Variants in GALNT13 observed in about 807,000 individuals in gnomAD.
GALNT13 encodes UDP-GalNAc:polypeptide N-acetylgalactosaminyltransferase 13.
GALNT13 carries 28 observed loss-of-function variants against 64.2 expected under a neutral mutation model. The observed-to-expected ratio is 0.44, with a 90% CI of 0.32 to 0.60. The LOEUF is 0.60. Among genes scored for constraint, GALNT13 ranks in the 20% least tolerant of loss-of-function variants. GALNT13 has a pLI of 0.05. For missense variants in GALNT13, 577 were observed against 669.8 expected (o/e 0.86, Z 1.53); for synonymous variants, 214 against 224.6 (o/e 0.95, Z 0.42).
the GALNT13 span, among the ~76,000 whole-genome samples, chr2:153,494,274 A>G: frequency 6.6e-6 from 1 of 152,076 alleles, no homozygotes. Context: ...AGACTTTAAA[A>G]AAGTATAAAT....
chr2:154,133,525 C>T (rs1682748189), intron 3 of GALNT13, among the ~76,000 whole-genome samples: 1 of 116,320 alleles, frequency 8.6e-6, no homozygotes. Flanking sequence ...AGTAACATAA[C>T]AGACCATTTT....
At chr2:153,441,515 T>TTG in the GALNT13 span, among the ~76,000 whole-genome samples, 1 of 152,238 alleles carries the variant, frequency 6.6e-6, no homozygotes, top group Non-Finnish European at 1.5e-5. Flanking sequence ...GGGGATAGCA[T>TTG]TGAATCCATA....
chr2:154,438,633 C>T lies in GALNT13; in HGVS notation c.1437C>T (p.Asp479=), dbSNP rs777977750. The T allele has an allele frequency of 6.2e-7, 1 of 1,612,550 alleles. No individual in the cohort carries two copies. Among genetic ancestry groups the T allele is most frequent in the Non-Finnish European group, 8.5e-7 (1 of 1,178,814 alleles). The change falls in exon 12 of 13, where the codon GAC becomes GAT. Residue 479 remains aspartate (D), a synonymous_variant. Transcript: ENST00000392825. ...YTADKEIRTD[D]LCLDVSRLNG... ...CTGACAAAGAAATCCGAACCGATGA[C>T]TTGTGCTTGGATGTTTCTAGACTCA...
intron 4 of GALNT13, among the ~76,000 whole-genome samples, chr2:154,210,894 G>A (rs758609832): frequency 2.0e-5 from 3 of 152,072 alleles, no homozygotes; most frequent in African/African-American, 4.8e-5. Context: ...GGAGGTGGAC[G>A]CAATGTTAGA....
intron 8 of GALNT13, among the ~76,000 whole-genome samples, chr2:154,271,207 A>G (rs1691336443): frequency 6.6e-6 from 1 of 151,942 alleles, no homozygotes; most frequent in South Asian, 2.1e-4. Context: ...CTTGGTAAAG[A>G]GATTAAAATG....
chr2:153,232,088 G>A, the GALNT13 span, among the ~76,000 whole-genome samples: 8 of 152,276 alleles, frequency 5.3e-5, no homozygotes, highest in Admixed American at 5.2e-4. Context: ...TTCAAGTTGA[G>A]CACCTGTTTT....
chr2:154,369,762 C>T (rs996278886), intron 9 of GALNT13, among the ~76,000 whole-genome samples: 5 of 152,138 alleles, frequency 3.3e-5, no homozygotes, highest in African/African-American at 1.2e-4. Context: ...GAAATTAATT[C>T]CTCAAAGTGC....
At chr2:153,611,679 CTTTTTT>C in the GALNT13 span, among the ~76,000 whole-genome samples, 4,155 of 104,320 alleles carry the variant, frequency 0.04, 72 homozygotes, top group Middle Eastern at 0.064. Context: ...ACATTTTTAC[CTTTTTT>C]TTTTTTTTTT....
intron 3 of GALNT13, among the ~76,000 whole-genome samples, chr2:154,043,128 GA>G (rs2105330353): frequency 1.3e-5 from 2 of 152,062 alleles, no homozygotes; most frequent in South Asian, 4.1e-4. Context: ...AGTCTTTGAA[GA>G]AAGTGAAAGA....
chr2:153,793,071 A>G, the GALNT13 span, among the ~76,000 whole-genome samples: 6 of 148,978 alleles, frequency 4.0e-5, no homozygotes, highest in Non-Finnish European at 8.9e-5. Context: ...TCCTGGGTTC[A>G]AGTGATTGTC....
At chr2:153,756,412 A>G in the GALNT13 span, among the ~76,000 whole-genome samples, 1 of 152,236 alleles carries the variant, frequency 6.6e-6, no homozygotes, top group East Asian at 1.9e-4. Flanking sequence ...AGGAGACAGA[A>G]CTAGTTGCCA....
the GALNT13 span, among the ~76,000 whole-genome samples, chr2:153,579,915 C>G: frequency 6.6e-6 from 1 of 152,136 alleles, no homozygotes; most frequent in Non-Finnish European, 1.5e-5. Context: ...AAATTGTCTT[C>G]TACAAAACCG....
At chr2:153,405,499 A>C in the GALNT13 span, among the ~76,000 whole-genome samples, 1 of 152,216 alleles carries the variant, frequency 6.6e-6, no homozygotes. Flanking sequence ...GAAAGGCTCC[A>C]CAGGTATCCT....
chr2:153,479,927 C>T, the GALNT13 span, among the ~76,000 whole-genome samples: 2 of 152,244 alleles, frequency 1.3e-5, no homozygotes, highest in South Asian at 4.1e-4. Context: ...CCCTCCTTTT[C>T]CCCATTACTC....
chr2:154,342,540 A>T (rs1371378768), intron 9 of GALNT13, among the ~76,000 whole-genome samples: 3 of 147,778 alleles, frequency 2.0e-5, no homozygotes, highest in Non-Finnish European at 4.6e-5. Context: ...ATGATTTTTT[A>T]AAATCAAATT....
Position 153,927,946 on chromosome 2 carries a change from A to T in GALNT13, c.-104-16448A>T, listed in dbSNP as rs141057231. Among the ~76,000 whole-genome samples, 401 of 152,246 alleles carry T rather than the reference A, an allele frequency of 2.6e-3. 5 individuals carry two copies. Among genetic ancestry groups the T allele is most frequent in the African/African-American group, 9.3e-3 (385 of 41,556 alleles). On this transcript the variant is annotated intron_variant, in intron 2 of 12. Transcript: ENST00000392825. Reference sequence around the variant, plus strand: ...AGATGTTGTTAAAAATCAATCATTAAAATATGGGAGCAGACAAATAAAACT... The same window carrying T: ...AGATGTTGTTAAAAATCAATCATTATAATATGGGAGCAGACAAATAAAACT...
the GALNT13 span, among the ~76,000 whole-genome samples, chr2:153,395,909 G>A: frequency 1.3e-5 from 2 of 152,008 alleles, no homozygotes; most frequent in Non-Finnish European, 2.9e-5. Flanking sequence ...ATTGACCAGG[G>A]GTCAGCAAAC....
chr2:153,198,071 G>A, the GALNT13 span, among the ~76,000 whole-genome samples: 2 of 152,140 alleles, frequency 1.3e-5, no homozygotes, highest in African/African-American at 2.4e-5. Context: ...CTGATGTCTC[G>A]CTGCTGCAGT....
At chr2:154,110,925 G>A (rs60776123) in intron 3 of GALNT13, among the ~76,000 whole-genome samples, 18 of 151,882 alleles carry the variant, frequency 1.2e-4, no homozygotes, top group African/African-American at 2.4e-4. Context: ...GCATCAATCC[G>A]GAACCCAAAT....
Sources: allele counts gnomAD v4.1 joint callset (sites outside exome capture counted in the v4.1 genomes callset), GRCh38; gene constraint gnomAD v4.1.1; transcripts MANE v1.5; gene names NCBI Gene and HGNC (gene_info 2026-07-23, HGNC 2026-07-21).